TMEM14A: variants seen among roughly 807,000 people sequenced by gnomAD.
TMEM14A encodes the protein transmembrane protein 14A.
A neutral mutation model predicts 11.6 loss-of-function variants in TMEM14A; 8 were observed. That is an observed-to-expected ratio of 0.69 (90% CI 0.40 to 1.24). TMEM14A has a LOEUF of 1.24. TMEM14A is among the 50% of genes most tolerant of loss of function. TMEM14A has a pLI of 0.01. For missense variants in TMEM14A, 108 were observed against 121.9 expected, an observed-to-expected ratio of 0.89 and a Z score of 0.54; for synonymous variants, 34 against 45.5, an observed-to-expected ratio of 0.75 and a Z score of 1.02.
At chr6:52,685,647 A>G (rs1283713902) in intron 4 of TMEM14A, among the ~76,000 whole-genome samples, 1 of 152,068 alleles carries the variant, frequency 6.6e-6, no homozygotes, top group Non-Finnish European at 1.5e-5. Flanking sequence ...AGAAGGCCTC[A>G]GTTAATAGAA....
intron 1 of TMEM14A, among the ~76,000 whole-genome samples, chr6:52,673,776 A>G (rs1281793781): frequency 6.6e-6 from 1 of 152,256 alleles, no homozygotes; most frequent in Non-Finnish European, 1.5e-5. Flanking sequence ...TGCCTAAAGA[A>G]AATGCTAAAT....
At chr6:52,675,518 C>T (rs9463816) in intron 1 of TMEM14A, among the ~76,000 whole-genome samples, 1,802 of 152,290 alleles carry the variant, frequency 0.012, 33 homozygotes, top group African/African-American at 0.041. Flanking sequence ...GTGGCTGGCA[C>T]GCTATCTACT....
intron 3 of TMEM14A, among the ~76,000 whole-genome samples, chr6:52,682,761 A>G (rs1458332439): frequency 1.3e-5 from 2 of 152,170 alleles, no homozygotes; most frequent in Non-Finnish European, 2.9e-5. Context: ...TTATATCAAT[A>G]AACAGTTTTT....
Position 52,684,085 on chromosome 6 carries a change from T to G in TMEM14A, c.180T>G (p.Ala60=). The change falls in exon 4 of 5, where the codon GCT becomes GCG. Residue 60 remains alanine, a synonymous_variant. Coordinates refer to ENST00000211314, the MANE Select transcript of TMEM14A (RefSeq NM_014051.4). The part of the protein sequence containing the change: ...KRDVKVSLFT[A]FFLATIMGVR... ...AATTAGTTTGGTTTTCAGTTACAGC[T>G]TTCTTCCTGGCTACCATAATGGGTG... 6.2e-7 allele frequency: 1 copy of G among 1,612,888 alleles called. No homozygotes were observed. Among genetic ancestry groups the G allele is most frequent in the East Asian group, 2.2e-5 (1 of 44,862 alleles).
intron 2 of TMEM14A, among the ~76,000 whole-genome samples, chr6:52,679,327 G>A (rs981934170): frequency 1.3e-5 from 2 of 152,178 alleles, no homozygotes; most frequent in Non-Finnish European, 2.9e-5. Flanking sequence ...AACATCGAGT[G>A]CCCAGAGTGA....
chr6:52,673,391 G>A (rs1769198456), intron 1 of TMEM14A, among the ~76,000 whole-genome samples: 1 of 152,100 alleles, frequency 6.6e-6, no homozygotes, highest in East Asian at 1.9e-4. Context: ...TTGAGGGGAG[G>A]GTGTTAAGTG....
chr6:52,682,979 T>C (rs1769419875), intron 3 of TMEM14A, among the ~76,000 whole-genome samples: 1 of 152,314 alleles, frequency 6.6e-6, no homozygotes, highest in Non-Finnish European at 1.5e-5. Context: ...TTTTAGTATT[T>C]TTTTTTTATT....
At chr6:52,679,349 A>G (rs1769322973) in intron 2 of TMEM14A, among the ~76,000 whole-genome samples, 2 of 152,158 alleles carry the variant, frequency 1.3e-5, no homozygotes, top group African/African-American at 4.8e-5. Flanking sequence ...AGAGGGCCAG[A>G]TGGCATTCCC....
intron 1 of TMEM14A, among the ~76,000 whole-genome samples, chr6:52,674,310 A>C (rs1241571393): frequency 1.3e-5 from 2 of 152,220 alleles, no homozygotes; most frequent in African/African-American, 4.8e-5. Flanking sequence ...TCCAGAATTG[A>C]AAACTCTGAA....
At chr6:52,683,417 G>A (rs375459095) in intron 3 of TMEM14A, among the ~76,000 whole-genome samples, 9 of 149,044 alleles carry the variant, frequency 6.0e-5, no homozygotes, top group Non-Finnish European at 1.2e-4. Flanking sequence ...CTGAGATCAC[G>A]CCACTGTACT....
intron 2 of TMEM14A, among the ~76,000 whole-genome samples, chr6:52,680,387 AG>A (rs1769342160): frequency 6.6e-6 from 1 of 151,566 alleles, no homozygotes; most frequent in African/African-American, 2.4e-5. Flanking sequence ...AAAGAAGGCC[AG>A]GGTTCCCACA....
intron 2 of TMEM14A, among the ~76,000 whole-genome samples, chr6:52,680,041 G>A (rs1333193752): frequency 6.6e-6 from 1 of 151,746 alleles, no homozygotes; most frequent in Admixed American, 6.6e-5. Context: ...GCTTGAACAT[G>A]ACCCATAATA....
At chr6:52,676,776 A>G (rs1397318161) in intron 1 of TMEM14A, among the ~76,000 whole-genome samples, 1 of 152,186 alleles carries the variant, frequency 6.6e-6, no homozygotes, top group Non-Finnish European at 1.5e-5. Flanking sequence ...GGAAGCAAGC[A>G]TGTCTTCACA....
At chr6:52,672,150 C>G (rs1267207021) in intron 1 of TMEM14A, among the ~76,000 whole-genome samples, 1 of 152,142 alleles carries the variant, frequency 6.6e-6, no homozygotes, top group Non-Finnish European at 1.5e-5. Flanking sequence ...GGTTCACTCA[C>G]TCATTTATTC....
rs576583475 is a variant in TMEM14A at position 52,686,412 on chromosome 6, A to G, written c.*363A>G. On this transcript the variant is annotated 3_prime_UTR_variant, in exon 5 of 5. Transcript: ENST00000211314. ...AGTCTTAAGTGGAGTTCACAGAATG[A>G]TAATGTATCTATTTGTCATTTGTGT... 11 of 387,064 alleles carry G rather than the reference A, an allele frequency of 2.8e-5. No homozygotes were observed. Among genetic ancestry groups the G allele is most frequent in the Non-Finnish European group, 5.0e-5 (11 of 217,914 alleles). 24.0% of individuals were successfully genotyped at this position (387,064 alleles called of 1,614,324 possible). A position where few individuals can be genotyped will look rare whatever the true frequency, so the allele number is the denominator to read the frequency against.
chr6:52,673,915 G>A (rs1047257261), intron 1 of TMEM14A, among the ~76,000 whole-genome samples: 1 of 152,190 alleles, frequency 6.6e-6, no homozygotes, highest in Admixed American at 6.5e-5. Flanking sequence ...CCTTACACAT[G>A]TCAAGCTTAA....
chr6:52,672,351 T>A, intron 1 of TMEM14A, among the ~76,000 whole-genome samples: 1 of 140,968 alleles, frequency 7.1e-6, no homozygotes, highest in South Asian at 2.7e-4. Context: ...GGGCTCAGGA[T>A]GGAGTGGAAT....
At chr6:52,683,984 T>G in intron 3 of TMEM14A, 94 bp from the exon 4 acceptor site, 2 of 1,154,622 alleles carry the variant, frequency 1.7e-6, no homozygotes, top group Non-Finnish European at 2.5e-6. Context: ...ATAATAGTTG[T>G]AATGTTAGAA....
At position 52,684,011 on chromosome 6, in the gene TMEM14A, C is replaced by T. The variant is rs1057121677; in HGVS notation, c.173-67C>T. The T allele has an allele frequency of 2.4e-5, 35 of 1,430,840 alleles. No individual in the cohort carries two copies. The East Asian group carries it at 3.4e-4, about 14-fold the overall frequency. 88.6% of individuals were successfully genotyped at this position (1,430,840 alleles called of 1,614,324 possible). On this transcript the variant is annotated intron_variant, in intron 3 of 4. Transcript: ENST00000211314. The stretch of plus-strand genomic sequence containing the variant: ...ATGTTAGAAAGCTTTAAATGGTACC[C>T]GCTGTTTTCCCACAAGCATTGATAA...
Sources: gnomAD v4.1 joint callset for allele counts (sites outside exome capture counted in the v4.1 genomes callset) on GRCh38, gnomAD v4.1.1 for gene constraint, MANE v1.5 for transcripts, NCBI Gene and HGNC (gene_info 2026-07-23, HGNC 2026-07-21) for gene names.